ZNF799: variants seen among roughly 807,000 people sequenced by gnomAD.
ZNF799 encodes zinc finger protein 799.
In ZNF799, 28 loss-of-function variants were observed where a neutral mutation model predicts 41.0. The ratio of observed to expected loss-of-function variants is 0.68; its 90% CI spans 0.51 to 0.94. ZNF799 has a LOEUF of 0.94. Ranked by LOEUF, ZNF799 falls within the 40% of genes least tolerant of loss-of-function variation. The probability of loss-of-function intolerance (pLI) is 0.00; values close to 1 mark genes in which losing one functional copy is unlikely to be tolerated. For missense variants in ZNF799, 716 were observed against 764.3 expected (o/e 0.94, Z 0.74); for synonymous variants, 213 against 252.9 (o/e 0.84, Z 1.50).
chr19:12,401,165 G>T lies in ZNF799; in HGVS notation c.-95C>A. 2.5e-6 allele frequency: 4 copies of T among 1,606,466 alleles called. No homozygotes were observed. The highest frequency in any genetic ancestry group is 2.5e-6 in the Non-Finnish European group (3 of 1,177,464). On this transcript the variant is annotated 5_prime_UTR_variant, in exon 1 of 4. Coordinates refer to ENST00000430385, the MANE Select transcript of ZNF799 (RefSeq NM_001080821.3). ...CAGGCTGCCACGGAACTTCCAGGTC[G>T]TCTCTTAGCTACAGAGCCGAGCACC...
At chr19:12,396,807 GA>G (rs141586270) in intron 1 of ZNF799, among the ~76,000 whole-genome samples, 69 of 149,986 alleles carry the variant, frequency 4.6e-4, no homozygotes, top group African/African-American at 1.4e-3. Context: ...ATCTAATGGG[GA>G]AAAAAAAAGG....
Position 12,390,421 on chromosome 19 carries a change from A to T in ZNF799, c.*45T>A. The T allele has an allele frequency of 6.2e-7, 1 of 1,606,456 alleles. No homozygotes were observed. Among genetic ancestry groups the T allele is most frequent in the Admixed American group, 1.7e-5 (1 of 58,004 alleles). On this transcript the variant is annotated 3_prime_UTR_variant, in exon 4 of 4. Transcript: ENST00000430385. ...TCGTACAAGTATCTGAAATGAAATA[A>T]AATTAATAAATGCTTTCCCACATTC... is the stretch of plus-strand genomic sequence containing the variant.
intron 1 of ZNF799, among the ~76,000 whole-genome samples, chr19:12,397,084 T>C (rs1969906372): frequency 1.3e-5 from 2 of 152,228 alleles, no homozygotes; most frequent in Admixed American, 1.3e-4. Context: ...ATTGGGTGGT[T>C]ATAGTTTATA....
chr19:12,407,307 T>C, the ZNF799 span, among the ~76,000 whole-genome samples: 3 of 151,546 alleles, frequency 2.0e-5, no homozygotes, highest in Non-Finnish European at 4.4e-5. Context: ...CTATAAAAAA[T>C]AAAAAATTAG....
rs1286147982 is a variant in ZNF799, at chr19:12,390,706, T to C, written c.1692A>G (p.Gln564=). 3.7e-6 allele frequency: 6 copies of C among 1,613,828 alleles called. No homozygotes were observed. The highest frequency in any genetic ancestry group is 5.1e-6 in the Non-Finnish European group (6 of 1,179,870). Residue 564 remains glutamine, a synonymous_variant, in exon 4 of 4, where the codon CAA becomes CAG. Coordinates refer to ENST00000430385, the MANE Select transcript of ZNF799 (RefSeq NM_001080821.3). ...HMREKPYECQ[Q]CGKAFTHSRF... is the part of the protein sequence containing the mutation. ...GGGAATGAGTGAAGGCTTTACCACA[T>C]TGTTGACACTCATAGGGTTTCTCTC...
At chr19:12,400,286 C>G (rs1969956381) in intron 1 of ZNF799, 1 of 152,230 alleles carries the variant, frequency 6.6e-6, no homozygotes, top group Non-Finnish European at 1.5e-5. Context: ...AGTCTGGATT[C>G]CACCTGGTGA....
chr19:12,412,133 G>A, the ZNF799 span, among the ~76,000 whole-genome samples: 1 of 152,186 alleles, frequency 6.6e-6, no homozygotes, highest in East Asian at 1.9e-4. Flanking sequence ...GCAGACATGT[G>A]TAGCAGTGAC....
the ZNF799 span, among the ~76,000 whole-genome samples, chr19:12,406,323 C>CAA: frequency 9.0e-3 from 1,258 of 139,476 alleles, 15 homozygotes; most frequent in African/African-American, 0.029. Flanking sequence ...ACTAAAAATA[C>CAA]AAAAAAAAAA....
chr19:12,407,393 A>G, the ZNF799 span, among the ~76,000 whole-genome samples: 1 of 151,284 alleles, frequency 6.6e-6, no homozygotes, highest in Admixed American at 6.6e-5. Flanking sequence ...AGCCCAGGAG[A>G]TGGAGGCTGC....
Position 12,391,235 on chromosome 19 carries a change from G to C in ZNF799, c.1163C>G (p.Thr388Ser). The change falls in exon 4 of 4, where the codon ACT becomes AGT. Residue 388 changes from threonine (T) to serine (S), a missense_variant. Transcript: ENST00000430385. Reference protein sequence around the residue: ...SSFRRHMTMHTGDGPHKCKIC... With the variant: ...SSFRRHMTMHSGDGPHKCKIC... ...CTTGCATTTGTGAGGTCCATCTCCAGTGTGCATTGTCATGTGTCTTCGAAA... is the reference window on the plus strand; with the variant it reads ...CTTGCATTTGTGAGGTCCATCTCCACTGTGCATTGTCATGTGTCTTCGAAA... 1.2e-6 allele frequency: 2 copies of C among 1,614,152 alleles called. No homozygotes were observed. The highest frequency in any genetic ancestry group is 8.5e-7 in the Non-Finnish European group (1 of 1,179,992).
At chr19:12,395,785 T>C (rs1022643559) in intron 1 of ZNF799, among the ~76,000 whole-genome samples, 21 of 152,236 alleles carry the variant, frequency 1.4e-4, no homozygotes, top group Non-Finnish European at 2.6e-4. Context: ...ACATAAAGCA[T>C]AAGTAGAGTA....
chr19:12,402,528 C>T (rs1249183931), upstream of ZNF799, among the ~76,000 whole-genome samples: 1 of 149,480 alleles, frequency 6.7e-6, no homozygotes, highest in Non-Finnish European at 1.5e-5. Context: ...ACAGGAAAGG[C>T]TTTCAGTTTT....
rs1969833687 is a variant in ZNF799 at position 12,392,120 on chromosome 19, G to C, written c.278C>G (p.Thr93Ser). The C allele has an allele frequency of 6.2e-7, 1 of 1,614,022 alleles. No homozygotes were observed. The highest frequency in any genetic ancestry group is 8.5e-7 in the Non-Finnish European group (1 of 1,179,962). Residue 93 changes from threonine to serine, a missense_variant, in exon 4 of 4, where the codon ACC becomes AGC. This residue lies in a region of ZNF799 where 698 missense variants were observed against 713.6 expected (regional missense o/e 0.98). Transcript: ENST00000430385. The part of the protein sequence containing the change: ...TSSQIQDSIV[T>S]KNTLPGVGPY... ...ACCTACTCCAGGAAGAGTGTTCTTG[G>C]TCACAATACTATCTTGAATCTGGCT... is the stretch of plus-strand genomic sequence containing the variant.
Position 12,390,835 on chromosome 19 carries a change from T to C in ZNF799, c.1563A>G (p.Val521=). 1 of 1,614,136 alleles carries C rather than the reference T, an allele frequency of 6.2e-7. No individual in the cohort carries two copies. The change falls in exon 4 of 4, where the codon GTA becomes GTG. Residue 521 remains valine (V), a synonymous_variant. Transcript: ENST00000430385. Reference sequence around the variant, plus strand: ...TCTCTCCAGAGTGAATTCTTTCATGTACTTTTAAGTTACCAAAATGACTGA... The same window carrying C: ...TCTCTCCAGAGTGAATTCTTTCATGCACTTTTAAGTTACCAAAATGACTGA... ...KAFSHFGNLK[V]HERIHSGEKP...
the ZNF799 span, among the ~76,000 whole-genome samples, chr19:12,406,988 C>T: frequency 6.6e-6 from 1 of 152,180 alleles, no homozygotes; most frequent in Non-Finnish European, 1.5e-5. Flanking sequence ...ATGAAAACAT[C>T]ACTACAGGTG....
chr19:12,415,008 TG>T, the ZNF799 span, among the ~76,000 whole-genome samples: 4 of 152,152 alleles, frequency 2.6e-5, no homozygotes, highest in Non-Finnish European at 5.9e-5. Flanking sequence ...ACTTTGAATC[TG>T]AAAACATGAG....
chr19:12,414,828 CA>C, the ZNF799 span, among the ~76,000 whole-genome samples: 1 of 152,112 alleles, frequency 6.6e-6, no homozygotes, highest in Non-Finnish European at 1.5e-5. Context: ...GCTTAGGAGC[CA>C]AACTCTGACT....
At chr19:12,412,365 T>C in the ZNF799 span, among the ~76,000 whole-genome samples, 1 of 151,832 alleles carries the variant, frequency 6.6e-6, no homozygotes, top group South Asian at 2.1e-4. Context: ...TAATCTCTTC[T>C]GTCTAGGATG....
chr19:12,390,910 C>A lies in ZNF799; in HGVS notation c.1488G>T (p.Arg496Ser), dbSNP rs1410219075. 1 of 1,613,566 alleles carries A rather than the reference C, an allele frequency of 6.2e-7. No homozygotes were observed. Among genetic ancestry groups the A allele is most frequent in the Non-Finnish European group, 8.5e-7 (1 of 1,179,874 alleles). Residue 496 changes from arginine to serine, a missense_variant, in exon 4 of 4, where the codon AGG (arginine) becomes AGT (serine). Transcript: ENST00000430385. ...SCFQYLSQHRRTHTGEKPYEC... is the reference protein window; with the variant it reads ...SCFQYLSQHRSTHTGEKPYEC... The stretch of plus-strand genomic sequence containing the variant: ...CATAAGGTTTCTCTCCTGTGTGAGT[C>A]CTTCTATGTTGAGAAAGGTATTGGA...
Sources: gnomAD v4.1 joint callset for allele counts (sites outside exome capture counted in the v4.1 genomes callset) on GRCh38, gnomAD v4.1.1 for gene constraint, gnomAD v4.1.1 regional missense constraint, MANE v1.5 for transcripts, NCBI Gene and HGNC (gene_info 2026-07-23, HGNC 2026-07-21) for gene names.